ZBED6: variants seen among roughly 807,000 people sequenced by gnomAD.
ZBED6 encodes zinc finger BED domain-containing protein 6.
In ZBED6, 40 loss-of-function variants were observed where a neutral mutation model predicts 58.4. The observed-to-expected ratio is 0.68, with a 90% CI of 0.53 to 0.89. ZBED6 has a LOEUF of 0.89. Ranked by LOEUF, ZBED6 falls within the 40% of genes least tolerant of loss-of-function variation. The pLI is 0.00. For missense variants in ZBED6, 1,057 were observed against 1,003.9 expected (o/e 1.05, Z -0.71); for synonymous variants, 439 against 350.6 (o/e 1.25, Z -2.82).
chr1:203,833,975 T>A, intron 9 of ZBED6, 122 bp downstream of exon 9: 1 of 1,395,414 alleles, frequency 7.2e-7, no homozygotes, highest in Admixed American at 2.9e-5. Context: ...CTGAAAGCAC[T>A]TATAAATTCC....
At chr1:203,807,216 CTTTA>C (rs376625900) in intron 1 of ZBED6, among the ~76,000 whole-genome samples, 1 of 152,180 alleles carries the variant, frequency 6.6e-6, no homozygotes, top group Non-Finnish European at 1.5e-5. Context: ...TTTGCTAATG[CTTTA>C]TTTAGGATTT....
At chr1:203,831,728 T>C in exon 8 of ZBED6, 4 of 1,613,026 alleles carry the variant, frequency 2.5e-6, no homozygotes, top group Non-Finnish European at 3.4e-6. Context: ...AAAAAGAAAA[T>C]GTCAGGACTG....
In ZBED6 at chr1:203,797,538, C is replaced by CTT; in HGVS notation, c.17_18insTT (p.Ser7Ter). The CTT allele has an allele frequency of 2.0e-6, 3 of 1,520,986 alleles. No homozygotes were observed. Among genetic ancestry groups the CTT allele is most frequent in the Non-Finnish European group, 2.6e-6 (3 of 1,141,824 alleles). 94.2% of individuals were successfully genotyped at this position (1,520,986 alleles called of 1,614,324 possible). A position where few individuals can be genotyped will look rare whatever the true frequency, so the allele number is the denominator to read the frequency against. ...CATAAAGAGAATGAGTGTATGTACT[C>CTT]TAAGTGTACCAGTTTCTTCACTCTC... On this transcript the variant is annotated frameshift_variant, in exon 1 of 17. Coordinates refer to ENST00000550078, the Ensembl canonical transcript of ZBED6. LOFTEE classifies it high-confidence loss of function.
At chr1:203,797,684 A>G in exon 1 of ZBED6, 1 of 1,536,020 alleles carries the variant, frequency 6.5e-7, no homozygotes, top group East Asian at 2.4e-5. Flanking sequence ...GAGTGAATAA[A>G]GAGGCAAAAC....
chr1:203,846,467 T>C (rs1000893330), intron 11 of ZBED6, among the ~76,000 whole-genome samples: 2 of 152,210 alleles, frequency 1.3e-5, no homozygotes, highest in African/African-American at 4.8e-5. Context: ...ATCATTTCCT[T>C]GTAGACAAGT....
At chr1:203,815,813 ATCT>A (rs1257384282) in intron 1 of ZBED6, among the ~76,000 whole-genome samples, 2 of 152,116 alleles carry the variant, frequency 1.3e-5, no homozygotes, top group Non-Finnish European at 2.9e-5. Flanking sequence ...CTGAAACCTG[ATCT>A]TCTGGTATGT....
intron 11 of ZBED6, 59 bp from the exon 12 acceptor site, chr1:203,847,125 A>C (rs1024441852): frequency 1.3e-6 from 2 of 1,576,242 alleles, no homozygotes; most frequent in South Asian, 1.2e-5. Context: ...TAGAGAGATC[A>C]TAAGTCAGTA....
rs1267905512 is a variant in ZBED6, at chr1:203,799,115, T to C, written c.1593T>C (p.Ala531=). Residue 531 remains alanine (A), a synonymous_variant, in exon 1 of 17, where the codon GCT becomes GCC. Coordinates refer to ENST00000550078, the Ensembl canonical transcript of ZBED6. ...CAGTGCTTTGTGTTACAGGTTTGGC[T>C]AAAGACTGTTTGATAACCAATATTT... 3 of 1,530,700 alleles carry C rather than the reference T, an allele frequency of 2.0e-6. No homozygotes were observed. The South Asian group carries it at 3.6e-5, about 18-fold the overall frequency. 94.8% of individuals were successfully genotyped at this position (1,530,700 alleles called of 1,614,324 possible).
intron 9 of ZBED6, among the ~76,000 whole-genome samples, chr1:203,835,079 C>T (rs866100639): frequency 6.6e-6 from 1 of 152,204 alleles, no homozygotes; most frequent in Non-Finnish European, 1.5e-5. Context: ...ATCTTCAGAA[C>T]CGTTCTGAAC....
chr1:203,829,907 G>A lies in ZBED6; in HGVS notation c.*3318+11G>A, dbSNP rs2103015328. ...TCAATATAAAGCAAGGTAAGAAGAG[G>A]CTAGATTGGTGCCTCTTATAGCACT... On this transcript the variant is annotated intron_variant, in intron 6 of 16. Transcript: ENST00000550078. 1.2e-6 allele frequency: 2 copies of A among 1,609,970 alleles called. No individual in the cohort carries two copies. The highest frequency in any genetic ancestry group is 1.7e-6 in the Non-Finnish European group (2 of 1,176,278).
chr1:203,805,864 TC>T, intron 1 of ZBED6: 1 of 869,296 alleles, frequency 1.2e-6, no homozygotes, highest in Non-Finnish European at 1.9e-6. Context: ...TTCCATCATG[TC>T]CACTAGCTGG....
chr1:203,831,914 G>T, intron 8 of ZBED6, 143 bp downstream of exon 8: 4 of 644,852 alleles, frequency 6.2e-6, no homozygotes, highest in East Asian at 2.8e-5. Flanking sequence ...ATGAAAAGTT[G>T]GTACATTCAA....
At chr1:203,800,391 A>T in exon 1 of ZBED6, 1 of 1,041,564 alleles carries the variant, frequency 9.6e-7, no homozygotes, top group South Asian at 1.3e-5. Flanking sequence ...CGATTATTCT[A>T]CGTTGGTTCT....
intron 3 of ZBED6, among the ~76,000 whole-genome samples, chr1:203,821,979 G>C (rs139320806): frequency 6.6e-6 from 1 of 151,990 alleles, no homozygotes; most frequent in Admixed American, 6.6e-5. Context: ...GGATGGTCTC[G>C]ATCTGCTGAC....
chr1:203,798,778 T>G, exon 1 of ZBED6: 1 of 1,536,148 alleles, frequency 6.5e-7, no homozygotes, highest in Non-Finnish European at 8.7e-7. Context: ...CAAATGATTG[T>G]GGAGGATATG....
chr1:203,842,078 G>C (rs1572305232), intron 11 of ZBED6, among the ~76,000 whole-genome samples: 1 of 151,626 alleles, frequency 6.6e-6, no homozygotes, highest in East Asian at 1.9e-4. Flanking sequence ...TTCCTAGACG[G>C]GATGGCGGCT....
chr1:203,804,153 T>G (rs751810422), intron 1 of ZBED6, among the ~76,000 whole-genome samples: 4 of 74,642 alleles, frequency 5.4e-5, no homozygotes, highest in African/African-American at 8.6e-5. Flanking sequence ...TGTATATGTG[T>G]TTTTTTTTTT....
In ZBED6 at chr1:203,821,767, T is replaced by G. The variant is rs187446409; in HGVS notation, c.*2873+3078T>G. ...TCATTATGGTTTTTGGTTTTGTTTT[T>G]TTTTTTTTGAGACGGAGTCTTGCTC... On this transcript the variant is annotated intron_variant, in intron 3 of 16. Transcript: ENST00000550078. Among the ~76,000 whole-genome samples, 8 of 152,104 alleles carry G rather than the reference T, an allele frequency of 5.3e-5. 1 individual carries two copies. The East Asian group carries it at 1.2e-3, about 22-fold the overall frequency.
chr1:203,844,014 C>T (rs113248662), intron 11 of ZBED6, among the ~76,000 whole-genome samples: 1 of 151,826 alleles, frequency 6.6e-6, no homozygotes, highest in Non-Finnish European at 1.5e-5. Context: ...TGCGCTACCA[C>T]GCCCGGCTAA....
Sources: allele counts gnomAD v4.1 joint callset (sites outside exome capture counted in the v4.1 genomes callset), GRCh38; gene constraint gnomAD v4.1.1; transcripts MANE v1.5; gene names NCBI Gene and HGNC (gene_info 2026-07-23, HGNC 2026-07-21).